The following TENM4 variants were observed in gnomAD, a reference collection of about 807,000 sequenced individuals.
TENM4 encodes the protein teneurin transmembrane protein 4, also known as teneurin-4.
Under a neutral mutation model 243.3 loss-of-function variants are expected in TENM4, and 82 were observed. The observed-to-expected ratio is 0.34, with a 90% CI of 0.28 to 0.40. TENM4 has a LOEUF of 0.40. Among genes scored for constraint, TENM4 ranks in the 10% least tolerant of loss-of-function variants. TENM4 has a pLI of 1.00. For missense variants in TENM4, 3,138 were observed against 3,673.3 expected (o/e 0.85, Z 3.77); for synonymous variants, 1,412 against 1,456.3 (o/e 0.97, Z 0.69).
At chr11:79,056,319 C>T (rs150809772) in intron 6 of TENM4, among the ~76,000 whole-genome samples, 4 of 152,078 alleles carry the variant, frequency 2.6e-5, no homozygotes, top group Non-Finnish European at 4.4e-5. Flanking sequence ...TGGCTCTGAG[C>T]CTTCCTTTTC....
In TENM4 at chr11:78,657,472, T is replaced by G. The variant is rs1857923572; in HGVS notation, c.*586A>C. On this transcript the variant is annotated 3_prime_UTR_variant, in exon 34 of 34. Coordinates refer to ENST00000278550, the MANE Select transcript of TENM4 (RefSeq NM_001098816.3). ...CACCATGAAATTCCCTGGAGCAAGA[T>G]GAAGCCATCTATGATCCTCTGGAGG... 1 of 327,586 alleles carries G rather than the reference T, an allele frequency of 3.1e-6. No individual in the cohort carries two copies. Among genetic ancestry groups the G allele is most frequent in the Non-Finnish European group, 5.5e-6 (1 of 181,436 alleles). The allele number at this position is 327,586 out of a possible 1,614,324, so 20.3% of individuals were successfully genotyped here.
intron 1 of TENM4, among the ~76,000 whole-genome samples, chr11:79,305,616 C>T (rs1856613632): frequency 1.3e-5 from 2 of 152,210 alleles, no homozygotes; most frequent in African/African-American, 2.4e-5. Flanking sequence ...GAAGGAGATG[C>T]GGAACCTCTG....
At chr11:78,705,999 T>C (rs912060016) in intron 27 of TENM4, among the ~76,000 whole-genome samples, 10 of 152,220 alleles carry the variant, frequency 6.6e-5, no homozygotes, top group Non-Finnish European at 1.2e-4. Context: ...GTGTACATAA[T>C]TTCATTAAAA....
intron 2 of TENM4, among the ~76,000 whole-genome samples, chr11:79,278,434 C>T (rs2135358895): frequency 6.6e-6 from 1 of 152,268 alleles, no homozygotes; most frequent in Non-Finnish European, 1.5e-5. Flanking sequence ...GGGCAGTCCA[C>T]CTTGCTGTCA....
At chr11:78,796,813 T>G (rs1427039372) in intron 15 of TENM4, among the ~76,000 whole-genome samples, 1 of 152,256 alleles carries the variant, frequency 6.6e-6, no homozygotes, top group Non-Finnish European at 1.5e-5. Context: ...TTTGTATATG[T>G]TGCAAATCTT....
chr11:79,294,763 C>T (rs1054464654), intron 2 of TENM4, among the ~76,000 whole-genome samples: 1 of 151,916 alleles, frequency 6.6e-6, no homozygotes, highest in Non-Finnish European at 1.5e-5. Flanking sequence ...GCAGGAGAAT[C>T]GTTTGAACCT....
At chr11:79,192,396 G>A (rs1048595417) in intron 3 of TENM4, among the ~76,000 whole-genome samples, 1 of 152,208 alleles carries the variant, frequency 6.6e-6, no homozygotes, top group Admixed American at 6.5e-5. Flanking sequence ...GTAGACACGG[G>A]AGACTTTTCA....
intron 1 of TENM4, among the ~76,000 whole-genome samples, chr11:79,384,781 C>T (rs904911449): frequency 6.6e-6 from 1 of 151,666 alleles, no homozygotes; most frequent in Admixed American, 6.6e-5. Flanking sequence ...TAAAAATTAG[C>T]TGGGAGTAGT....
chr11:78,665,814 C>T (rs570853256), intron 32 of TENM4, among the ~76,000 whole-genome samples: 2 of 152,294 alleles, frequency 1.3e-5, no homozygotes, highest in Admixed American at 1.3e-4. Flanking sequence ...CTGTAGCGGA[C>T]ATTTTTTGGT....
At chr11:79,222,175 T>G (rs1045404551) in intron 2 of TENM4, among the ~76,000 whole-genome samples, 2 of 152,090 alleles carry the variant, frequency 1.3e-5, no homozygotes, top group Non-Finnish European at 2.9e-5. Context: ...AGCGAGAGGG[T>G]CAAGGGGAAC....
intron 28 of TENM4, among the ~76,000 whole-genome samples, chr11:78,690,990 G>C (rs1332100774): frequency 2.0e-5 from 3 of 152,204 alleles, no homozygotes; most frequent in African/African-American, 7.2e-5. Context: ...GAGTTTTACA[G>C]ATAAGAATTG....
At position 78,902,956 on chromosome 11, in the gene TENM4, T is replaced by C. The variant is rs964957452; in HGVS notation, c.749+312A>G. On this transcript the variant is annotated intron_variant, in intron 7 of 33. Transcript: ENST00000278550. ...CATTAGCTCTCATCTCCTTTAACAG[T>C]TCCGTCCCGCAAACATCATGGCCAT... Among the ~76,000 whole-genome samples the C allele has an allele frequency of 9.9e-5, 15 of 152,200 alleles. No individual in the cohort carries two copies. In the South Asian group the frequency reaches 1.4e-3, roughly 15 times the overall value.
intron 12 of TENM4, among the ~76,000 whole-genome samples, chr11:78,847,647 T>C (rs749428696): frequency 6.6e-6 from 1 of 152,202 alleles, no homozygotes; most frequent in African/African-American, 2.4e-5. Context: ...AGTGTTTCCA[T>C]TAGAAATTTC....
intron 1 of TENM4, among the ~76,000 whole-genome samples, chr11:79,330,425 A>G (rs1857043574): frequency 6.6e-6 from 1 of 152,136 alleles, no homozygotes. Flanking sequence ...TAGGGGGAAA[A>G]GCACACCCAC....
chr11:78,954,556 G>C (rs1857170320), intron 6 of TENM4, among the ~76,000 whole-genome samples: 1 of 152,226 alleles, frequency 6.6e-6, no homozygotes, highest in Non-Finnish European at 1.5e-5. Context: ...GTTTAATGCA[G>C]AGAGGCAAAT....
Position 78,701,870 on chromosome 11 carries a change from T to A in TENM4, c.4743A>T (p.Pro1581=). 1 of 1,614,022 alleles carries A rather than the reference T, an allele frequency of 6.2e-7. No homozygotes were observed. The highest frequency in any genetic ancestry group is 1.1e-5 in the South Asian group (1 of 91,084). ...NTQNMYELSS[P]IDQELYLFDT... ...CAAACAGATAGAGCTCCTGGTCAATTGGTGAAGACAGCTCATACATGTTCT... is the reference window on the plus strand; with the variant it reads ...CAAACAGATAGAGCTCCTGGTCAATAGGTGAAGACAGCTCATACATGTTCT... Residue 1581 remains proline (P), a synonymous_variant, in exon 28 of 34, where the codon CCA becomes CCT. Coordinates refer to ENST00000278550, the MANE Select transcript of TENM4 (RefSeq NM_001098816.3).
chr11:79,295,935 C>T (rs1471212105), intron 2 of TENM4, among the ~76,000 whole-genome samples: 2 of 82,248 alleles, frequency 2.4e-5, no homozygotes, highest in Admixed American at 1.1e-4. Flanking sequence ...ACACACACTC[C>T]CCCAAAATCC....
chr11:79,036,764 CA>C (rs923943598), intron 6 of TENM4, among the ~76,000 whole-genome samples: 2 of 152,078 alleles, frequency 1.3e-5, no homozygotes, highest in African/African-American at 2.4e-5. Flanking sequence ...GTAGTCCCAG[CA>C]CTTTGGGAGG....
intron 1 of TENM4, among the ~76,000 whole-genome samples, chr11:79,408,831 C>T (rs577712768): frequency 6.6e-6 from 1 of 152,134 alleles, no homozygotes; most frequent in Non-Finnish European, 1.5e-5. Context: ...CAGCTCTTTT[C>T]CCAGCACCCA....
Sources: allele counts gnomAD v4.1 joint callset (sites outside exome capture counted in the v4.1 genomes callset), GRCh38; gene constraint gnomAD v4.1.1; transcripts MANE v1.5; gene names NCBI Gene and HGNC (gene_info 2026-07-23, HGNC 2026-07-21).